The following NRXN3 variants were observed in gnomAD, a reference collection of about 807,000 sequenced individuals.
NRXN3 encodes neurexin III.
In NRXN3, 32 loss-of-function variants were observed where a neutral mutation model predicts 137.6. The observed-to-expected ratio is 0.23, with a 90% CI of 0.18 to 0.31. NRXN3 has a LOEUF of 0.31. Among genes scored for constraint, NRXN3 ranks in the 10% least tolerant of loss-of-function variants. The pLI is 1.00. For synonymous variants in NRXN3, 798 were observed against 784.5 expected (o/e 1.02, Z -0.29); for missense variants, 1,574 against 2,062.5 (o/e 0.76, Z 4.59).
At chr14:78,827,054 A>G (rs1357183368) in intron 10 of NRXN3, among the ~76,000 whole-genome samples, 2 of 152,164 alleles carry the variant, frequency 1.3e-5, no homozygotes, top group Non-Finnish European at 2.9e-5. Context: ...CTATGTCATG[A>G]TATCTTCACT....
chr14:78,685,735 C>T (rs548235032), intron 6 of NRXN3, among the ~76,000 whole-genome samples: 13 of 149,866 alleles, frequency 8.7e-5, no homozygotes, highest in Non-Finnish European at 1.3e-4. Flanking sequence ...TGGGTTCAAG[C>T]GATTCTCCTG....
At chr14:78,958,166 T>C (rs2099400487) in intron 11 of NRXN3, among the ~76,000 whole-genome samples, 1 of 151,978 alleles carries the variant, frequency 6.6e-6, no homozygotes, top group African/African-American at 2.4e-5. Context: ...GAGATTCTAA[T>C]TTTGATGGGT....
chr14:78,172,357 C>T (rs28630704), intron 1 of NRXN3, among the ~76,000 whole-genome samples: 38 of 152,236 alleles, frequency 2.5e-4, no homozygotes, highest in African/African-American at 7.2e-4. Context: ...GCTTCTGCAT[C>T]GCCTTTCAAG....
rs899549617 is a variant in NRXN3, at chr14:78,242,751, C to T, written c.-343C>T. The T allele has an allele frequency of 7.7e-6, 2 of 259,110 alleles. No individual in the cohort carries two copies. The highest frequency in any genetic ancestry group is 2.2e-5 in the African/African-American group (1 of 44,992). The allele number at this position is 259,110 out of a possible 1,614,324, so 16.1% of individuals were successfully genotyped here. A position where few individuals can be genotyped will look rare whatever the true frequency, so the allele number is the denominator to read the frequency against. ...CTTCTCCTCCTTGAGTCAAGGCCTCCGGATCCACATGGATAGCTGAGATCT... is the reference window on the plus strand; with the variant it reads ...CTTCTCCTCCTTGAGTCAAGGCCTCTGGATCCACATGGATAGCTGAGATCT... On this transcript the variant is annotated 5_prime_UTR_variant, in exon 2 of 21. Coordinates refer to ENST00000335750, the MANE Select transcript of NRXN3 (RefSeq NM_001330195.2).
intron 6 of NRXN3, among the ~76,000 whole-genome samples, chr14:78,671,069 G>A (rs921292321): frequency 7.2e-5 from 11 of 152,154 alleles, no homozygotes; most frequent in African/African-American, 2.4e-4. Flanking sequence ...AGACTTCTAA[G>A]AGTAACTAAT....
At chr14:79,805,874 A>G (rs1041972380) in intron 20 of NRXN3, among the ~76,000 whole-genome samples, 14 of 152,194 alleles carry the variant, frequency 9.2e-5, no homozygotes, top group Non-Finnish European at 1.8e-4. Flanking sequence ...AGAAGACTTT[A>G]GCAATCAGAA....
At chr14:79,353,914 G>C (rs933554584) in intron 15 of NRXN3, among the ~76,000 whole-genome samples, 4 of 152,024 alleles carry the variant, frequency 2.6e-5, no homozygotes, top group African/African-American at 9.7e-5. Flanking sequence ...AGTAAATTTG[G>C]TCATCAACTC....
intron 19 of NRXN3, among the ~76,000 whole-genome samples, chr14:79,732,497 A>G (rs1230809837): frequency 2.0e-5 from 3 of 152,178 alleles, no homozygotes; most frequent in African/African-American, 4.8e-5. Context: ...CAGTCCTGTT[A>G]GGCAAGAAAA....
chr14:79,490,022 G>C (rs1455842183), intron 16 of NRXN3, among the ~76,000 whole-genome samples: 3 of 118,018 alleles, frequency 2.5e-5, no homozygotes, highest in African/African-American at 1.1e-4. Context: ...GTGGGGGACA[G>C]AGCAATACTC....
At chr14:79,185,467 A>AT (rs10678366) in intron 15 of NRXN3, among the ~76,000 whole-genome samples, 91,102 of 144,238 alleles carry the variant, frequency 0.63, 29,195 homozygotes, top group African/African-American at 0.74. Flanking sequence ...ACACTTGGGA[A>AT]TTTTTTTTTT....
At chr14:78,346,764 A>C (rs2082795019) in intron 4 of NRXN3, among the ~76,000 whole-genome samples, 1 of 152,160 alleles carries the variant, frequency 6.6e-6, no homozygotes, top group African/African-American at 2.4e-5. Context: ...TGAGACACAA[A>C]CAGCTCTGAG....
intron 15 of NRXN3, among the ~76,000 whole-genome samples, chr14:79,044,064 G>A (rs959009838): frequency 6.6e-6 from 1 of 152,214 alleles, no homozygotes. Context: ...CTTCTGTAGG[G>A]CAAAATCCCA....
At chr14:78,681,581 G>A (rs1395639312) in intron 6 of NRXN3, among the ~76,000 whole-genome samples, 2 of 152,128 alleles carry the variant, frequency 1.3e-5, no homozygotes, top group Non-Finnish European at 2.9e-5. Context: ...TCGTTTGTTA[G>A]GACCTCAATC....
chr14:78,730,888 T>C (rs2098511986), intron 8 of NRXN3, among the ~76,000 whole-genome samples: 2 of 152,202 alleles, frequency 1.3e-5, no homozygotes, highest in South Asian at 4.1e-4. Context: ...CCTTGAGCTT[T>C]CTGCAGGCGG....
chr14:78,965,996 T>C, intron 11 of NRXN3, 29 bp from the exon 12 acceptor site: 1 of 1,597,046 alleles, frequency 6.3e-7, no homozygotes, highest in Non-Finnish European at 8.5e-7. Flanking sequence ...GTAACTTTTC[T>C]GTTTGTACCT....
chr14:79,357,091 A>C (rs1012161579), intron 15 of NRXN3, among the ~76,000 whole-genome samples: 2 of 152,214 alleles, frequency 1.3e-5, no homozygotes, highest in Admixed American at 6.5e-5. Context: ...CCCTAATTGC[A>C]TGTGGCTGTG....
At chr14:78,535,129 T>A (rs1201825707) in intron 4 of NRXN3, among the ~76,000 whole-genome samples, 3 of 146,026 alleles carry the variant, frequency 2.1e-5, no homozygotes, top group East Asian at 4.0e-4. Flanking sequence ...TTCTGTCTTA[T>A]CTTTTAATTG....
chr14:79,058,526 G>T (rs1394903741), intron 15 of NRXN3, among the ~76,000 whole-genome samples: 2 of 152,092 alleles, frequency 1.3e-5, no homozygotes, highest in Non-Finnish European at 2.9e-5. Context: ...AGAGATTCTT[G>T]CACTGGGTAG....
At chr14:78,286,059 G>A (rs1014601252) in intron 3 of NRXN3, among the ~76,000 whole-genome samples, 28 of 152,282 alleles carry the variant, frequency 1.8e-4, no homozygotes, top group East Asian at 5.8e-4. Flanking sequence ...TTCTAGAGCC[G>A]TTAGAAATCC....
Sources: allele counts gnomAD v4.1 joint callset (sites outside exome capture counted in the v4.1 genomes callset), GRCh38; gene constraint gnomAD v4.1.1; transcripts MANE v1.5; gene names NCBI Gene and HGNC (gene_info 2026-07-23, HGNC 2026-07-21).